PRAG1: variants seen among roughly 807,000 people sequenced by gnomAD.
PRAG1 encodes the protein inactive tyrosine-protein kinase PRAG1.
In PRAG1, 110 loss-of-function variants were observed where a neutral mutation model predicts 95.6. That is an observed-to-expected ratio of 1.15 (90% CI 0.99 to 1.35). PRAG1 has a LOEUF of 1.35. Among genes scored for constraint, PRAG1 ranks in the 40% most tolerant of loss-of-function variants. The pLI, the probability that PRAG1 is intolerant of heterozygous loss-of-function variation, is 0.00. For missense variants in PRAG1, 2,554 were observed against 1,864.7 expected, an observed-to-expected ratio of 1.37 and a Z score of -6.81; for synonymous variants, 1,052 against 819.4, an observed-to-expected ratio of 1.28 and a Z score of -4.85.
At chr8:8,341,585 T>A (rs1034444894) in intron 3 of PRAG1, among the ~76,000 whole-genome samples, 6 of 152,258 alleles carry the variant, frequency 3.9e-5, no homozygotes. Context: ...AAATGCCTTT[T>A]CTACATCTAT....
At chr8:8,384,069 C>T (rs944612705) in intron 1 of PRAG1, among the ~76,000 whole-genome samples, 14 of 151,440 alleles carry the variant, frequency 9.2e-5, no homozygotes, top group African/African-American at 3.2e-4. Context: ...AGTTTGGAAA[C>T]CAGCTCTGTG....
In PRAG1 at chr8:8,377,299, C is replaced by A. The variant is rs1353662812; in HGVS notation, c.1110G>T (p.Lys370Asn). ...HLESDYCSLM[K>N]EPAPEKQQDP... ...CCTGCTGCTTCTCTGGGGCAGGTTC[C>A]TTCATGAGGGAGCAGTAATCACTCT... Residue 370 changes from lysine to asparagine, a missense_variant, in exon 3 of 6, where the codon AAG (lysine) becomes AAT (asparagine). Physicochemically the swap from Lys to Asn is moderately conservative, Grantham distance 94. Transcript: ENST00000615670. 1 of 1,612,632 alleles carries A rather than the reference C, an allele frequency of 6.2e-7. No individual in the cohort carries two copies. Among genetic ancestry groups the A allele is most frequent in the Admixed American group, 1.7e-5 (1 of 59,950 alleles).
chr8:8,383,318 C>G (rs965581452), intron 1 of PRAG1, among the ~76,000 whole-genome samples: 1 of 152,180 alleles, frequency 6.6e-6, no homozygotes, highest in African/African-American at 2.4e-5. Context: ...CGCCTGTAAT[C>G]CCAGCACTTT....
rs1248959672 is a variant in PRAG1 at position 8,327,708 on chromosome 8, A to T, written c.3072+2T>A. ...AGAATGCAAGGAGGGAGTGGTACCTACTTTCACAGCATAGGTGCTGCCGGG... is the reference window on the plus strand; with the variant it reads ...AGAATGCAAGGAGGGAGTGGTACCTTCTTTCACAGCATAGGTGCTGCCGGG... On this transcript the variant is annotated splice_donor_variant, in intron 5 of 5. Transcript: ENST00000615670. LOFTEE classifies it high-confidence loss of function. 1.2e-6 allele frequency: 2 copies of T among 1,607,402 alleles called. No homozygotes were observed. The highest frequency in any genetic ancestry group is 1.7e-6 in the Non-Finnish European group (2 of 1,175,610).
At chr8:8,333,091 C>G (rs762766038) in intron 4 of PRAG1, among the ~76,000 whole-genome samples, 1 of 152,242 alleles carries the variant, frequency 6.6e-6, no homozygotes, top group Non-Finnish European at 1.5e-5. Flanking sequence ...GAGACTAACT[C>G]AGACACATCC....
intron 3 of PRAG1, among the ~76,000 whole-genome samples, chr8:8,340,482 C>T (rs760847726): frequency 1.3e-5 from 2 of 152,264 alleles, no homozygotes; most frequent in Non-Finnish European, 2.9e-5. Context: ...TCCAGCTCTT[C>T]CCCTGCTGGT....
rs1174733127 is a variant in PRAG1 at position 8,318,730 on chromosome 8, G to A, written c.3645C>T (p.Ser1215=). 1 of 1,608,480 alleles carries A rather than the reference G, an allele frequency of 6.2e-7. No individual in the cohort carries two copies. Among genetic ancestry groups the A allele is most frequent in the Non-Finnish European group, 8.5e-7 (1 of 1,177,818 alleles). ...GCTTCTGCTTGGCCTTCAAAAAGTT[G>A]CTGATGATGAGCCGGGGCAGCTGCT... The part of the protein sequence containing the change: ...REKQLPRLII[S]NFLKAKQKPG... The change falls in exon 6 of 6, where the codon AGC becomes AGT. Residue 1215 remains serine, a synonymous_variant. Transcript: ENST00000615670. The surrounding 1 kb of genome is among the most constrained non-coding windows in gnomAD (Gnocchi z 4.2).
At chr8:8,336,983 G>A (rs111613976) in intron 4 of PRAG1, among the ~76,000 whole-genome samples, 4 of 135,726 alleles carry the variant, frequency 2.9e-5, no homozygotes, top group African/African-American at 8.2e-5. Context: ...TTTCCAAGAA[G>A]TTTACACAAA....
chr8:8,336,703 C>G (rs1252618937), intron 4 of PRAG1, among the ~76,000 whole-genome samples: 1 of 150,060 alleles, frequency 6.7e-6, no homozygotes, highest in Non-Finnish European at 1.5e-5. Context: ...TCCCCCCACC[C>G]ATAAAACGCA....
At chr8:8,376,116 T>G in intron 3 of PRAG1, 131 bp downstream of exon 3, 1 of 1,293,648 alleles carries the variant, frequency 7.7e-7, no homozygotes, top group Non-Finnish European at 1.1e-6. Flanking sequence ...CCTGGGAAAT[T>G]TACATAAAGG....
At chr8:8,341,095 G>C (rs1388651870) in intron 3 of PRAG1, among the ~76,000 whole-genome samples, 1 of 152,172 alleles carries the variant, frequency 6.6e-6, no homozygotes, top group Non-Finnish European at 1.5e-5. Context: ...CCTCAGTCTA[G>C]GAGAGAAGCC....
chr8:8,338,283 C>T (rs1268228239), intron 4 of PRAG1, among the ~76,000 whole-genome samples: 2 of 152,166 alleles, frequency 1.3e-5, no homozygotes, highest in African/African-American at 2.4e-5. Context: ...TTTACTGGTT[C>T]TGGGAAACAA....
intron 1 of PRAG1, among the ~76,000 whole-genome samples, chr8:8,383,336 C>T (rs562544943): frequency 1.3e-5 from 2 of 152,082 alleles, no homozygotes; most frequent in Admixed American, 6.5e-5. Flanking sequence ...TTTGGGAGGC[C>T]GAGGCAGGAC....
At chr8:8,324,942 G>A (rs1040773830) in intron 5 of PRAG1, among the ~76,000 whole-genome samples, 5 of 152,152 alleles carry the variant, frequency 3.3e-5, no homozygotes, top group South Asian at 2.1e-4. Flanking sequence ...GCAGGGCGCT[G>A]AGCCCAAAGT....
rs758993156 is a variant in PRAG1 at position 8,376,297 on chromosome 8, G to A, written c.2112C>T (p.Asp704=). 2 of 1,614,202 alleles carry A rather than the reference G, an allele frequency of 1.2e-6. No individual in the cohort carries two copies. Among genetic ancestry groups the A allele is most frequent in the East Asian group, 2.2e-5 (1 of 44,876 alleles). ...GTGAGAATGTCTCAATCCCACTTCT[G>A]TCCTTGGGGAACTCAAAGGCAAAAG... ...SASFAFEFPK[D]RSGIETFSPP... is the part of the protein sequence containing the mutation. The change falls in exon 3 of 6, where the codon GAC becomes GAT. Residue 704 remains aspartate, a synonymous_variant. Coordinates refer to ENST00000615670, the MANE Select transcript of PRAG1 (RefSeq NM_001080826.3).
chr8:8,384,818 C>A (rs1800797951), intron 1 of PRAG1, among the ~76,000 whole-genome samples: 1 of 152,110 alleles, frequency 6.6e-6, no homozygotes, highest in Non-Finnish European at 1.5e-5. Context: ...GGGGAGGCAG[C>A]CCCCAGAATT....
chr8:8,362,412 A>G (rs1799872021), intron 3 of PRAG1, among the ~76,000 whole-genome samples: 1 of 152,140 alleles, frequency 6.6e-6, no homozygotes, highest in South Asian at 2.1e-4. Flanking sequence ...CTGTGCACAG[A>G]GTTTACCTGG....
At chr8:8,383,889 GA>G (rs901185287) in intron 1 of PRAG1, among the ~76,000 whole-genome samples, 1 of 152,166 alleles carries the variant, frequency 6.6e-6, no homozygotes, top group Non-Finnish European at 1.5e-5. Context: ...TTGGGAGGGG[GA>G]AAAAGCAGAG....
At chr8:8,348,116 C>T (rs1341575872) in intron 3 of PRAG1, among the ~76,000 whole-genome samples, 1 of 152,166 alleles carries the variant, frequency 6.6e-6, no homozygotes. Flanking sequence ...AGGGTTTCTC[C>T]ATGTTGGCTA....
Sources: gnomAD v4.1 joint callset for allele counts (sites outside exome capture counted in the v4.1 genomes callset) on GRCh38, gnomAD v4.1.1 for gene constraint, Gnocchi (gnomAD v3.1) non-coding constraint, MANE v1.5 for transcripts, NCBI Gene and HGNC (gene_info 2026-07-23, HGNC 2026-07-21) for gene names.